The following SYT7 variants were observed in gnomAD, a reference collection of about 807,000 sequenced individuals.
The protein encoded by SYT7 is synaptotagmin-7.
SYT7 carries 29 observed loss-of-function variants against 75.1 expected under a neutral mutation model. That is an observed-to-expected ratio of 0.39 (90% CI 0.29 to 0.53). The LOEUF (loss-of-function observed/expected upper bound fraction) is 0.53, where lower values mean the gene tolerates loss of function less well. Ranked by LOEUF, SYT7 falls within the 20% of genes least tolerant of loss-of-function variation. The pLI is 0.77. For missense variants in SYT7, 693 were observed against 953.2 expected (o/e 0.73, Z 3.59); for synonymous variants, 376 against 401.7 (o/e 0.94, Z 0.76).
chr11:61,519,733 C>T (rs1289089431), intron 12 of SYT7, among the ~76,000 whole-genome samples: 1 of 152,158 alleles, frequency 6.6e-6, no homozygotes, highest in Non-Finnish European at 1.5e-5. Context: ...ACTGGGGAGG[C>T]TGCGTAAGGG....
rs1431551448 is a variant in SYT7, at chr11:61,546,662, G to A, written c.348-407C>T. The stretch of plus-strand genomic sequence containing the variant: ...GTTAACGACGGAGGAAGAGCGGGCT[G>A]TCCAGGCCAGGAGGCCCCAAGGCAG... On this transcript the variant is annotated intron_variant, in intron 4 of 12. Transcript: ENST00000539008. This position sits in a 1 kb window ranked among gnomAD's most constrained non-coding sequence, Gnocchi z 7.6. The A allele has an allele frequency of 2.2e-6, 1 of 463,072 alleles. No homozygotes were observed. Among genetic ancestry groups the A allele is most frequent in the Non-Finnish European group, 4.3e-6 (1 of 231,756 alleles). 28.7% of individuals were successfully genotyped at this position (463,072 alleles called of 1,614,324 possible). A position where few individuals can be genotyped will look rare whatever the true frequency, so the allele number is the denominator to read the frequency against.
intron 1 of SYT7, among the ~76,000 whole-genome samples, chr11:61,557,163 A>T (rs1446630179): frequency 6.6e-6 from 1 of 152,228 alleles, no homozygotes; most frequent in Non-Finnish European, 1.5e-5. Flanking sequence ...ACCAAATGTA[A>T]GTAAGGCAAA....
chr11:61,550,745 A>G (rs1285463637), intron 3 of SYT7, among the ~76,000 whole-genome samples: 1 of 152,080 alleles, frequency 6.6e-6, no homozygotes, highest in Non-Finnish European at 1.5e-5. Context: ...ACCTCAGCAG[A>G]GGGCTGGCCA....
intron 1 of SYT7, among the ~76,000 whole-genome samples, chr11:61,571,584 C>T (rs1482322921): frequency 1.3e-5 from 2 of 152,348 alleles, no homozygotes; most frequent in South Asian, 2.1e-4. Flanking sequence ...CCGCACCTGC[C>T]GGCACCCCCA....
At chr11:61,561,192 A>C (rs1385974418) in intron 1 of SYT7, among the ~76,000 whole-genome samples, 2 of 152,182 alleles carry the variant, frequency 1.3e-5, no homozygotes, top group Non-Finnish European at 2.9e-5. Flanking sequence ...TGAGTGCCAC[A>C]ACCTATCCTG....
intron 8 of SYT7, among the ~76,000 whole-genome samples, chr11:61,532,231 C>CGCCT (rs1241367733): frequency 6.6e-6 from 1 of 152,220 alleles, no homozygotes; most frequent in African/African-American, 2.4e-5. Flanking sequence ...CCAGCCTCAT[C>CGCCT]GCCTCTTCAA....
chr11:61,536,390 C>T (rs938476221), intron 7 of SYT7, among the ~76,000 whole-genome samples: 23 of 152,302 alleles, frequency 1.5e-4, no homozygotes, highest in South Asian at 6.2e-4. Context: ...TGCTCCCTCA[C>T]GCTTCACACC....
At chr11:61,570,189 A>T (rs1186638336) in intron 1 of SYT7, among the ~76,000 whole-genome samples, 1 of 152,262 alleles carries the variant, frequency 6.6e-6, no homozygotes, top group Non-Finnish European at 1.5e-5. Flanking sequence ...TCAGGGGCTA[A>T]GTCCTACTGG....
chr11:61,532,921 C>T lies in SYT7; in HGVS notation c.1200+68G>A. On this transcript the variant is annotated intron_variant, in intron 8 of 12. Transcript: ENST00000539008. Reference sequence around the variant, plus strand: ...TGCTGTTAATCATTCCCACACACATCCCTCTTCTTCCTGCCCCTGGCCTCC... The same window carrying T: ...TGCTGTTAATCATTCCCACACACATTCCTCTTCTTCCTGCCCCTGGCCTCC... 2.5e-6 allele frequency: 4 copies of T among 1,591,764 alleles called. No individual in the cohort carries two copies. The South Asian group carries it at 4.4e-5, about 18-fold the overall frequency.
At position 61,528,071 on chromosome 11, in the gene SYT7, T is replaced by G. The variant is rs1310678258; in HGVS notation, c.1315A>C (p.Ile439Leu). The change falls in exon 9 of 13, where the codon ATC becomes CTC. Residue 439 changes from isoleucine (I) to leucine (L), a missense_variant. Coordinates refer to ENST00000539008, the MANE Select transcript of SYT7 (RefSeq NM_001365809.2). ...NFQESTLTVKIMKAQELPAKD... is the reference protein window; with the variant it reads ...NFQESTLTVKLMKAQELPAKD... ...GCCGGCAGCTCCTGGGCCTTCATGA[T>G]CTTCACGGTGAGCGTGGACTCCTGG... is the stretch of plus-strand genomic sequence containing the variant. 6.2e-7 allele frequency: 1 copy of G among 1,613,828 alleles called. No individual in the cohort carries two copies. Among genetic ancestry groups the G allele is most frequent in the Admixed American group, 1.7e-5 (1 of 59,996 alleles).
intron 8 of SYT7, among the ~76,000 whole-genome samples, chr11:61,532,447 C>G (rs944454040): frequency 6.6e-6 from 1 of 152,156 alleles, no homozygotes; most frequent in African/African-American, 2.4e-5. Context: ...GACAGGAGCC[C>G]CCATCACAGC....
Position 61,524,404 on chromosome 11 carries a change from G to T in SYT7, c.1600C>A (p.Gln534Lys). ...GGCTTCAGATCCTTCCAGAAGGTCT[G>T]CATCTGGGTCAGGTCCACCTTGTTA... ...PLNKVDLTQM[Q>K]TFWKDLKPCS... The change falls in exon 10 of 13, where the codon CAG (glutamine) becomes AAG (lysine). Residue 534 changes from glutamine (Q) to lysine (K), a missense_variant. Around this residue, in one of 2 missense-constraint regions of SYT7, gnomAD observed 206 missense variants for 360.0 expected, o/e 0.57. Coordinates refer to ENST00000539008, the MANE Select transcript of SYT7 (RefSeq NM_001365809.2). The surrounding 1 kb of genome is among the most constrained non-coding windows in gnomAD (Gnocchi z 4.1). 6.2e-7 allele frequency: 1 copy of T among 1,614,148 alleles called. No homozygotes were observed.
chr11:61,528,268 GGCCAGAGGC>G (rs2062591116), intron 8 of SYT7, 83 bp from the exon 9 acceptor site: 1 of 1,516,018 alleles, frequency 6.6e-7, no homozygotes, highest in African/African-American at 1.4e-5. Flanking sequence ...ACGGGTGAGA[GGCCAGAGGC>G]GGTGGCCCAG....
chr11:61,553,163 T>G lies in SYT7; in HGVS notation c.136-1700A>C, dbSNP rs1166320830. Among the ~76,000 whole-genome samples the G allele has an allele frequency of 6.6e-6, 1 of 152,130 alleles. No homozygotes were observed. The highest frequency in any genetic ancestry group is 2.1e-4 in the South Asian group (1 of 4,830). ...AAAAGCTGCCACTCACAGCTCCAACTCCGATCCCTCCCATCACTACCCAGA... is the reference window on the plus strand; with the variant it reads ...AAAAGCTGCCACTCACAGCTCCAACGCCGATCCCTCCCATCACTACCCAGA... On this transcript the variant is annotated intron_variant, in intron 2 of 12. Transcript: ENST00000539008. This position sits in a 1 kb window ranked among gnomAD's most constrained non-coding sequence, Gnocchi z 5.2.
Position 61,533,986 on chromosome 11 carries a change from T to C in SYT7, c.1065-862A>G, listed in dbSNP as rs1273146212. Among the ~76,000 whole-genome samples, 3 of 151,498 alleles carry C rather than the reference T, an allele frequency of 2.0e-5. No homozygotes were observed. The East Asian group carries it at 5.9e-4, about 30-fold the overall frequency. ...CTGTCTGTACCTGACTCCATGCCGT[T>C]CCCAGGATGCTGGGTTCTTTGACCC... On this transcript the variant is annotated intron_variant, in intron 7 of 12. Coordinates refer to ENST00000539008, the MANE Select transcript of SYT7 (RefSeq NM_001365809.2).
At chr11:61,525,448 C>T (rs1386717146) in intron 9 of SYT7, among the ~76,000 whole-genome samples, 2 of 152,052 alleles carry the variant, frequency 1.3e-5, no homozygotes, top group Non-Finnish European at 2.9e-5. Flanking sequence ...TTCAACACCC[C>T]GACTCCTCCC....
At chr11:61,567,350 A>G (rs1030168403) in intron 1 of SYT7, among the ~76,000 whole-genome samples, 1 of 133,852 alleles carries the variant, frequency 7.5e-6, no homozygotes, top group Non-Finnish European at 1.5e-5. Context: ...CCCGCCCCCC[A>G]GAGCTGTCCA....
At chr11:61,544,419 G>C (rs1418207545) in intron 5 of SYT7, among the ~76,000 whole-genome samples, 1 of 152,222 alleles carries the variant, frequency 6.6e-6, no homozygotes, top group Non-Finnish European at 1.5e-5. Flanking sequence ...GAAAGAAAGA[G>C]AAGAAAGCAA....
intron 1 of SYT7, among the ~76,000 whole-genome samples, chr11:61,567,967 T>G (rs1022301260): frequency 1.3e-5 from 2 of 152,350 alleles, no homozygotes. Flanking sequence ...CAGGCAAAAC[T>G]TCCTGCTCCC....
Sources: allele counts gnomAD v4.1 joint callset (sites outside exome capture counted in the v4.1 genomes callset), GRCh38; gene constraint gnomAD v4.1.1; regional missense constraint gnomAD v4.1.1; non-coding constraint Gnocchi (gnomAD v3.1); transcripts MANE v1.5; gene names NCBI Gene and HGNC (gene_info 2026-07-23, HGNC 2026-07-21).